SYTL1: variants seen among roughly 807,000 people sequenced by gnomAD.
The protein encoded by SYTL1 is synaptotagmin-like protein 1.
SYTL1 carries 53 observed loss-of-function variants against 74.6 expected under a neutral mutation model. That is an observed-to-expected ratio of 0.71 (90% CI 0.57 to 0.89). The LOEUF (loss-of-function observed/expected upper bound fraction) is 0.89, where lower values mean the gene tolerates loss of function less well. SYTL1 is among the 40% of genes least tolerant of loss of function. The pLI, the probability that SYTL1 is intolerant of heterozygous loss-of-function variation, is 0.00. For missense variants in SYTL1, 728 were observed against 768.7 expected (o/e 0.95, Z 0.63); for synonymous variants, 329 against 324.9 (o/e 1.01, Z -0.14).
rs1429569742 is a variant in SYTL1 at position 27,345,818 on chromosome 1, C to T, written c.191+293C>T. Among the ~76,000 whole-genome samples, 14 of 150,012 alleles carry T rather than the reference C, an allele frequency of 9.3e-5. No individual in the cohort carries two copies. Among genetic ancestry groups the T allele is most frequent in the South Asian group, 2.1e-4 (1 of 4,762 alleles). On this transcript the variant is annotated intron_variant, in intron 2 of 14. Coordinates refer to ENST00000616558, the MANE Select transcript of SYTL1 (RefSeq NM_001193308.2). The surrounding 1 kb of genome is among the most constrained non-coding windows in gnomAD (Gnocchi z 6.0). Reference sequence around the variant, plus strand: ...TTCTTGAGACAGAGTTTCATTTTTTCGCCCAGGCTGGAGTGAAGTGGCACA... The same window carrying T: ...TTCTTGAGACAGAGTTTCATTTTTTTGCCCAGGCTGGAGTGAAGTGGCACA...
At position 27,350,102 on chromosome 1, in the gene SYTL1, T is replaced by C; in HGVS notation, c.878T>C (p.Leu293Pro). The C allele has an allele frequency of 7.1e-7, 1 of 1,404,898 alleles. No individual in the cohort carries two copies. The highest frequency in any genetic ancestry group is 9.2e-7 in the Non-Finnish European group (1 of 1,085,644). 87.0% of individuals were successfully genotyped at this position (1,404,898 alleles called of 1,614,324 possible). Residue 293 changes from leucine to proline, a missense_variant, in exon 9 of 15, where the codon CTG becomes CCG. Leu to Pro is a moderately conservative substitution (Grantham distance 98). Coordinates refer to ENST00000616558, the MANE Select transcript of SYTL1 (RefSeq NM_001193308.2). This position sits in a 1 kb window ranked among gnomAD's most constrained non-coding sequence, Gnocchi z 6.3. ...GTGCACGTGATCCAGTGCCAGGGCC[T>C]GGCCGCCGCCCGGCGCCGCCGCTCG... is the stretch of plus-strand genomic sequence containing the variant. ...LRVHVIQCQG[L>P]AAARRRRSDP...
chr1:27,351,305 G>T lies in SYTL1; in HGVS notation c.1212G>T (p.Leu404=). ...DDLPSRGLLA[L]SLKYVPAGSE... is the part of the protein sequence containing the mutation. The stretch of plus-strand genomic sequence containing the variant: ...TTCCGAGCCGCGGGTTACTCGCCCT[G>T]TCCCTCAAGTACGTCCCCGCCGGCT... Residue 404 remains leucine, a synonymous_variant, in exon 12 of 15, where the codon CTG becomes CTT. Transcript: ENST00000616558. This position sits in a 1 kb window ranked among gnomAD's most constrained non-coding sequence, Gnocchi z 5.0. The T allele has an allele frequency of 6.4e-7, 1 of 1,563,152 alleles. No individual in the cohort carries two copies.
At chr1:27,352,451 T>C (rs943204440) in intron 13 of SYTL1, 18 of 152,226 alleles carry the variant, frequency 1.2e-4, no homozygotes, top group African/African-American at 4.1e-4. Flanking sequence ...TCAGAGACAT[T>C]GCTCTGCAGC....
At position 27,350,700 on chromosome 1, in the gene SYTL1, G is replaced by T. The variant is rs1170739097; in HGVS notation, c.1006-94G>T. The T allele has an allele frequency of 3.4e-6, 5 of 1,459,220 alleles. No individual in the cohort carries two copies. In the East Asian group the frequency reaches 1.2e-4, roughly 34 times the overall value. 90.4% of individuals were successfully genotyped at this position (1,459,220 alleles called of 1,614,324 possible). ...TAGGGGCTCCCCAGAATTCCATCATGGTAGGAACGCGGTAGGACCTGCCTC... is the reference window on the plus strand; with the variant it reads ...TAGGGGCTCCCCAGAATTCCATCATTGTAGGAACGCGGTAGGACCTGCCTC... On this transcript the variant is annotated intron_variant, in intron 10 of 14. Coordinates refer to ENST00000616558, the MANE Select transcript of SYTL1 (RefSeq NM_001193308.2). The surrounding 1 kb of genome is among the most constrained non-coding windows in gnomAD (Gnocchi z 6.3).
Position 27,349,071 on chromosome 1 carries a change from T to TTCC in SYTL1, c.460-7_460-5dup. The TTCC allele has an allele frequency of 6.2e-7, 1 of 1,611,248 alleles. No individual in the cohort carries two copies. Among genetic ancestry groups the TTCC allele is most frequent in the Non-Finnish European group, 8.5e-7 (1 of 1,177,456 alleles). ...CCGTACTGTGACCTCTACCCCTTTC[T>TTCC]TCCTTCAGGGACCTGATTTCCCATC... On this transcript the variant is annotated splice_polypyrimidine_tract_variant and intron_variant, in intron 5 of 14. Coordinates refer to ENST00000616558, the MANE Select transcript of SYTL1 (RefSeq NM_001193308.2).
rs747190030 is a variant in SYTL1 at position 27,351,259 on chromosome 1, TC to T, written c.1169del (p.Pro390HisfsTer39). On this transcript the variant is annotated frameshift_variant and splice_region_variant, in exon 12 of 15. Transcript: ENST00000616558. LOFTEE classifies it high-confidence loss of function. This position sits in a 1 kb window ranked among gnomAD's most constrained non-coding sequence, Gnocchi z 5.0. Reference protein sequence around the residue: ...EPTWLPLQPRVPPSPDDLPSR... With the variant: ...EPTWLPLQPRXPPSPDDLPSR... ...CCACGATAAGCCCGCCTCTCGCAGG[TC>T]CCACCCTCTCCCGACGACCTTCCGA... 6 of 1,557,094 alleles carry T rather than the reference TC, an allele frequency of 3.9e-6. No individual in the cohort carries two copies. In the East Asian group the frequency reaches 7.2e-5, roughly 19 times the overall value.
Position 27,350,055 on chromosome 1 carries a change from G to T in SYTL1, c.831G>T (p.Glu277Asp). The T allele has an allele frequency of 6.6e-7, 1 of 1,510,846 alleles. No homozygotes were observed. Among genetic ancestry groups the T allele is most frequent in the Non-Finnish European group, 8.8e-7 (1 of 1,138,120 alleles). The allele number at this position is 1,510,846 out of a possible 1,614,324, so 93.6% of individuals were successfully genotyped here. A position where few individuals can be genotyped will look rare whatever the true frequency, so the allele number is the denominator to read the frequency against. Residue 277 changes from glutamate to aspartate, a missense_variant, in exon 9 of 15, where the codon GAG becomes GAT. Physicochemically the swap from Glu to Asp is conservative, Grantham distance 45 (BLOSUM62 2). Transcript: ENST00000616558. The surrounding 1 kb of genome is among the most constrained non-coding windows in gnomAD (Gnocchi z 6.3). ...RGSVHFALHY[E>D]PGAAELRVHV... The stretch of plus-strand genomic sequence containing the variant: ...CCGTGCACTTCGCGCTGCACTACGA[G>T]CCGGGCGCCGCCGAGCTGCGCGTGC...
chr1:27,350,795 A>G lies in SYTL1; in HGVS notation c.1007A>G (p.Tyr336Cys), dbSNP rs1347003996. The change falls in exon 11 of 15, where the codon TAC becomes TGC. Residue 336 changes from tyrosine (Y) to cysteine (C), a missense_variant and splice_region_variant. By Grantham distance (194) the Tyr-to-Cys change is radical. Coordinates refer to ENST00000616558, the MANE Select transcript of SYTL1 (RefSeq NM_001193308.2). The surrounding 1 kb of genome is among the most constrained non-coding windows in gnomAD (Gnocchi z 6.3). The stretch of plus-strand genomic sequence containing the variant: ...CTAAAGCTCACCTCCTGTCCTCAGT[A>G]CTCCGTCCCGCAGGCCGAGCTTCAG... ...LNPVFNETLR[Y>C]SVPQAELQGR... 3.1e-6 allele frequency: 5 copies of G among 1,613,244 alleles called. 1 individual carries two copies. The South Asian group carries it at 5.5e-5, about 18-fold the overall frequency.
rs1258888110 is a variant in SYTL1 at position 27,343,035 on chromosome 1, C to T, written c.-39+885C>T. Reference sequence around the variant, plus strand: ...AAGAGGGATCGCTGGGGCTCGGCCACTGACTCAGCTGGGAGGGGACAGAGC... The same window carrying T: ...AAGAGGGATCGCTGGGGCTCGGCCATTGACTCAGCTGGGAGGGGACAGAGC... On this transcript the variant is annotated intron_variant, in intron 1 of 14. Transcript: ENST00000616558. The surrounding 1 kb of genome is among the most constrained non-coding windows in gnomAD (Gnocchi z 5.2). Among the ~76,000 whole-genome samples the T allele has an allele frequency of 6.6e-6, 1 of 152,262 alleles. No individual in the cohort carries two copies. Among genetic ancestry groups the T allele is most frequent in the Non-Finnish European group, 1.5e-5 (1 of 68,052 alleles).
rs918886971 is a variant in SYTL1 at position 27,348,796 on chromosome 1, G to A, written c.460-284G>A. On this transcript the variant is annotated intron_variant, in intron 5 of 14. Transcript: ENST00000616558. This position sits in a 1 kb window ranked among gnomAD's most constrained non-coding sequence, Gnocchi z 4.1. ...AAAAAATAAAAATAAAAAAAGGAGT[G>A]AGAAAGGAATGGGACTGGCCTGGCC... 6.6e-6 allele frequency among the ~76,000 whole-genome samples: 1 copy of A among 152,194 alleles called. No individual in the cohort carries two copies. Among genetic ancestry groups the A allele is most frequent in the African/African-American group, 2.4e-5 (1 of 41,446 alleles).
In SYTL1 at chr1:27,351,489, T is replaced by C; in HGVS notation, c.1277T>C (p.Phe426Ser). 6.5e-7 allele frequency: 1 copy of C among 1,548,710 alleles called. No individual in the cohort carries two copies. ...CTGCCCCCGAGCGGGGAGCTGCACT[T>C]CTGGGTGAAGGAGGCTCGGGACCTC... ...AGLPPSGELH[F>S]WVKEARDLLP... is the part of the protein sequence containing the mutation. Residue 426 changes from phenylalanine (F) to serine (S), a missense_variant, in exon 13 of 15, where the codon TTC becomes TCC. Coordinates refer to ENST00000616558, the MANE Select transcript of SYTL1 (RefSeq NM_001193308.2). The surrounding 1 kb of genome is among the most constrained non-coding windows in gnomAD (Gnocchi z 5.0).
rs891912372 is a variant in SYTL1 at position 27,342,223 on chromosome 1, A to T, written c.-39+73A>T. The T allele has an allele frequency of 7.4e-5, 38 of 511,170 alleles. No individual in the cohort carries two copies. The highest frequency in any genetic ancestry group is 9.3e-5 in the Non-Finnish European group (37 of 396,884). 31.7% of individuals were successfully genotyped at this position (511,170 alleles called of 1,614,324 possible). On this transcript the variant is annotated intron_variant, in intron 1 of 14. Coordinates refer to ENST00000616558, the MANE Select transcript of SYTL1 (RefSeq NM_001193308.2). The surrounding 1 kb of genome is among the most constrained non-coding windows in gnomAD (Gnocchi z 4.7). ...GGCACTGCCACCTGGTATCCTGAGC[A>T]CCCTCCAGCACCTTGGGGTTGGGGG... is the stretch of plus-strand genomic sequence containing the variant.
At position 27,351,279 on chromosome 1, in the gene SYTL1, C is replaced by T. The variant is rs746128658; in HGVS notation, c.1186C>T (p.Leu396Phe). 7.0e-6 allele frequency: 11 copies of T among 1,561,072 alleles called. No homozygotes were observed. In the African/African-American group the frequency reaches 9.5e-5, roughly 13 times the overall value. The part of the protein sequence containing the change: ...QPRVPPSPDD[L>F]PSRGLLALSL... The stretch of plus-strand genomic sequence containing the variant: ...GCAGGTCCCACCCTCTCCCGACGAC[C>T]TTCCGAGCCGCGGGTTACTCGCCCT... The change falls in exon 12 of 15, where the codon CTT becomes TTT. Residue 396 changes from leucine (L) to phenylalanine (F), a missense_variant. Coordinates refer to ENST00000616558, the MANE Select transcript of SYTL1 (RefSeq NM_001193308.2). This position sits in a 1 kb window ranked among gnomAD's most constrained non-coding sequence, Gnocchi z 5.0.
intron 13 of SYTL1, chr1:27,353,015 A>T (rs1397773743): frequency 2.2e-6 from 1 of 456,114 alleles, no homozygotes; most frequent in Admixed American, 3.6e-5. Context: ...CGAACTTCTG[A>T]CCTCAGGTGA....
Position 27,351,237 on chromosome 1 carries a change from C to T in SYTL1, c.1165-21C>T, listed in dbSNP as rs1037529058. The stretch of plus-strand genomic sequence containing the variant: ...CCCCTTTCCATTAGCCCCTGCTCCA[C>T]GATAAGCCCGCCTCTCGCAGGTCCC... On this transcript the variant is annotated intron_variant, in intron 11 of 14. Coordinates refer to ENST00000616558, the MANE Select transcript of SYTL1 (RefSeq NM_001193308.2). This position sits in a 1 kb window ranked among gnomAD's most constrained non-coding sequence, Gnocchi z 5.0. 19 of 1,550,328 alleles carry T rather than the reference C, an allele frequency of 1.2e-5. No individual in the cohort carries two copies. Among genetic ancestry groups the T allele is most frequent in the Non-Finnish European group, 1.6e-5 (18 of 1,147,868 alleles).
chr1:27,343,248 A>C lies in SYTL1; in HGVS notation c.-39+1098A>C, dbSNP rs367723401. ...CTACATGCCCCTCAGCGCTGGGCAA[A>C]TGCTTTCTTTCCGGAGTCACTGTGG... is the stretch of plus-strand genomic sequence containing the variant. On this transcript the variant is annotated intron_variant, in intron 1 of 14. Coordinates refer to ENST00000616558, the MANE Select transcript of SYTL1 (RefSeq NM_001193308.2). The surrounding 1 kb of genome is among the most constrained non-coding windows in gnomAD (Gnocchi z 5.2). The C allele has an allele frequency of 6.6e-6, 1 of 152,636 alleles. No homozygotes were observed. Among genetic ancestry groups the C allele is most frequent in the South Asian group, 2.1e-4 (1 of 4,842 alleles). The allele number at this position is 152,636 out of a possible 1,614,324, so 9.5% of individuals were successfully genotyped here.
rs1436552606 is a variant in SYTL1, at chr1:27,350,919, C to G, written c.1131C>G (p.Gly377=). The G allele has an allele frequency of 1.2e-6, 2 of 1,613,496 alleles. No individual in the cohort carries two copies. Among genetic ancestry groups the G allele is most frequent in the African/African-American group, 2.7e-5 (2 of 75,038 alleles). ...TGCCCCTGGACACGTGGGACTGGGG[C>G]TCTGAGCCCACCTGGCTCCCCCTGC... is the stretch of plus-strand genomic sequence containing the variant. ...VEVPLDTWDW[G]SEPTWLPLQP... The change falls in exon 11 of 15, where the codon GGC becomes GGG. Residue 377 remains glycine (G), a synonymous_variant. Coordinates refer to ENST00000616558, the MANE Select transcript of SYTL1 (RefSeq NM_001193308.2). The surrounding 1 kb of genome is among the most constrained non-coding windows in gnomAD (Gnocchi z 6.3).
In SYTL1 at chr1:27,345,656, T is replaced by A; in HGVS notation, c.191+131T>A. On this transcript the variant is annotated intron_variant, in intron 2 of 14. Transcript: ENST00000616558. This position sits in a 1 kb window ranked among gnomAD's most constrained non-coding sequence, Gnocchi z 6.0. ...TTTTGCCCTTCAGTCTCCTCTGGCC[T>A]TGGCCAGCTCACAGCTCATCACTTC... The A allele has an allele frequency of 1.6e-6, 1 of 606,840 alleles. No homozygotes were observed. Among genetic ancestry groups the A allele is most frequent in the Non-Finnish European group, 2.8e-6 (1 of 361,418 alleles). The allele number at this position is 606,840 out of a possible 1,614,324, so 37.6% of individuals were successfully genotyped here. A position where few individuals can be genotyped will look rare whatever the true frequency, so the allele number is the denominator to read the frequency against.
At position 27,351,522 on chromosome 1, in the gene SYTL1, T is replaced by G. The variant is rs1032760636; in HGVS notation, c.1310T>G (p.Leu437Arg). 78 of 1,548,238 alleles carry G rather than the reference T, an allele frequency of 5.0e-5. No individual in the cohort carries two copies. The highest frequency in any genetic ancestry group is 6.7e-5 in the Non-Finnish European group (77 of 1,145,626). ...WVKEARDLLP[L>R]RAGSLDTYVQ... is the part of the protein sequence containing the mutation. ...AAGGAGGCTCGGGACCTCCTGCCGC[T>G]GCGGGCAGGATCCCTGGACACTTAC... Residue 437 changes from leucine to arginine, a missense_variant, in exon 13 of 15, where the codon CTG becomes CGG. Coordinates refer to ENST00000616558, the MANE Select transcript of SYTL1 (RefSeq NM_001193308.2). This position sits in a 1 kb window ranked among gnomAD's most constrained non-coding sequence, Gnocchi z 5.0.
Sources: gnomAD v4.1 joint callset for allele counts (sites outside exome capture counted in the v4.1 genomes callset) on GRCh38, gnomAD v4.1.1 for gene constraint, Gnocchi (gnomAD v3.1) non-coding constraint, MANE v1.5 for transcripts, NCBI Gene and HGNC (gene_info 2026-07-23, HGNC 2026-07-21) for gene names.